The following SLC22A3 variants were observed in gnomAD, a reference collection of about 807,000 sequenced individuals.
The protein encoded by SLC22A3 is solute carrier family 22 member 3, also known as EMT organic cation transporter 3.
Under a neutral mutation model 59.1 loss-of-function variants are expected in SLC22A3, and 51 were observed. The observed-to-expected ratio is 0.86, with a 90% CI of 0.69 to 1.09. The LOEUF (loss-of-function observed/expected upper bound fraction) is 1.09, where lower values mean the gene tolerates loss of function less well. SLC22A3 is among the 50% of genes least tolerant of loss of function. The pLI, the probability that SLC22A3 is intolerant of heterozygous loss-of-function variation, is 0.00. For missense variants in SLC22A3, 711 were observed against 726.3 expected (o/e 0.98, Z 0.24); for synonymous variants, 325 against 292.0 (o/e 1.11, Z -1.15).
chr6:160,449,703 C>T (rs972144183), intron 10 of SLC22A3, among the ~76,000 whole-genome samples: 3 of 152,184 alleles, frequency 2.0e-5, no homozygotes, highest in South Asian at 2.1e-4. Context: ...ATCAGAGGAA[C>T]CAGCCCCCAA....
At chr6:160,367,838 G>A (rs775673576) in intron 1 of SLC22A3, among the ~76,000 whole-genome samples, 2 of 152,138 alleles carry the variant, frequency 1.3e-5, no homozygotes, top group Non-Finnish European at 2.9e-5. Flanking sequence ...CCAGCCTCAT[G>A]CCATTCAGCT....
In SLC22A3 at chr6:160,447,708, C is replaced by A; in HGVS notation, c.1511-11C>A. 1 of 1,612,424 alleles carries A rather than the reference C, an allele frequency of 6.2e-7. No individual in the cohort carries two copies. The highest frequency in any genetic ancestry group is 1.1e-5 in the South Asian group (1 of 91,026). On this transcript the variant is annotated splice_polypyrimidine_tract_variant and intron_variant, in intron 9 of 10. Coordinates refer to ENST00000275300, the MANE Select transcript of SLC22A3 (RefSeq NM_021977.4). ...TTCCTGGAGCGGTAACACCTTTCCCCTATTCCATAGGTATCCTGGCATCCA... is the reference window on the plus strand; with the variant it reads ...TTCCTGGAGCGGTAACACCTTTCCCATATTCCATAGGTATCCTGGCATCCA...
intron 5 of SLC22A3, among the ~76,000 whole-genome samples, chr6:160,417,646 C>T (rs1042422389): frequency 2.6e-5 from 4 of 152,222 alleles, no homozygotes; most frequent in Non-Finnish European, 4.4e-5. Context: ...AAATGTTGGG[C>T]ATGGCAATGA....
intron 5 of SLC22A3, among the ~76,000 whole-genome samples, chr6:160,412,874 A>T (rs562829991): frequency 1.3e-5 from 2 of 152,296 alleles, no homozygotes; most frequent in African/African-American, 4.8e-5. Flanking sequence ...TTAGGAATAT[A>T]GAATATAGAA....
At chr6:160,369,133 T>C (rs1013140984) in intron 1 of SLC22A3, among the ~76,000 whole-genome samples, 1 of 152,234 alleles carries the variant, frequency 6.6e-6, no homozygotes, top group African/African-American at 2.4e-5. Flanking sequence ...TTTCAGGGGA[T>C]TTTCATATCA....
At position 160,404,365 on chromosome 6, in the gene SLC22A3, C is replaced by T. The variant is rs548244654; in HGVS notation, c.534-2676C>T. 2.0e-5 allele frequency among the ~76,000 whole-genome samples: 3 copies of T among 152,112 alleles called. No individual in the cohort carries two copies. In the South Asian group the frequency reaches 6.2e-4, roughly 32 times the overall value. On this transcript the variant is annotated intron_variant, in intron 2 of 10. Coordinates refer to ENST00000275300, the MANE Select transcript of SLC22A3 (RefSeq NM_021977.4). Reference sequence around the variant, plus strand: ...ATTAGCACCACAAGAATACACAACACTTAGATATAAATCTAACAACATATG... The same window carrying T: ...ATTAGCACCACAAGAATACACAACATTTAGATATAAATCTAACAACATATG...
At chr6:160,378,182 T>G (rs1045413111) in intron 1 of SLC22A3, among the ~76,000 whole-genome samples, 3 of 152,228 alleles carry the variant, frequency 2.0e-5, no homozygotes, top group African/African-American at 4.8e-5. Context: ...AATATGGTAG[T>G]AGAATTAGAA....
At position 160,415,295 on chromosome 6, in the gene SLC22A3, G is replaced by A. The variant is rs1256817252; in HGVS notation, c.975+4449G>A. On this transcript the variant is annotated intron_variant, in intron 5 of 10. Transcript: ENST00000275300. The surrounding 1 kb of genome is among the most constrained non-coding windows in gnomAD (Gnocchi z 4.1). ...CATCCTGAGCAGAAAACCTCTTCGT[G>A]ATGACGCAGAAGGACTGGCCAGCAG... Among the ~76,000 whole-genome samples, 1 of 152,230 alleles carries A rather than the reference G, an allele frequency of 6.6e-6. No individual in the cohort carries two copies. The highest frequency in any genetic ancestry group is 1.5e-5 in the Non-Finnish European group (1 of 68,038).
At chr6:160,417,743 G>A (rs963349254) in intron 5 of SLC22A3, among the ~76,000 whole-genome samples, 1 of 149,052 alleles carries the variant, frequency 6.7e-6, no homozygotes, top group Non-Finnish European at 1.5e-5. Flanking sequence ...GCCAATGGCA[G>A]GTTGCTAGAT....
At chr6:160,422,980 C>G (rs972892236) in intron 5 of SLC22A3, among the ~76,000 whole-genome samples, 4 of 152,090 alleles carry the variant, frequency 2.6e-5, no homozygotes, top group Non-Finnish European at 4.4e-5. Flanking sequence ...TTCCCTGCCC[C>G]CTTCCCCCAC....
intron 1 of SLC22A3, among the ~76,000 whole-genome samples, chr6:160,391,310 A>G (rs1196372351): frequency 6.6e-6 from 1 of 152,164 alleles, no homozygotes; most frequent in Admixed American, 6.5e-5. Context: ...ATTGGACTGG[A>G]GTTGGGCTCA....
In SLC22A3 at chr6:160,365,373, A is replaced by G. The variant is rs558289104; in HGVS notation, c.429+16525A>G. 5.9e-5 allele frequency among the ~76,000 whole-genome samples: 9 copies of G among 152,218 alleles called. No homozygotes were observed. The East Asian group carries it at 1.7e-3, about 29-fold the overall frequency. On this transcript the variant is annotated intron_variant, in intron 1 of 10. Transcript: ENST00000275300. ...CTAAACCAATGTCCTGTCCCAATCC[A>G]CCTGACTTGAGGGCTGTTAGATTTT...
intron 5 of SLC22A3, 118 bp downstream of exon 5, chr6:160,410,964 A>G (rs1198896916): frequency 1.8e-5 from 10 of 549,870 alleles, no homozygotes; most frequent in African/African-American, 1.5e-4. Flanking sequence ...TATTATATAT[A>G]TATATGTATG....
chr6:160,349,153 C>A, intron 1 of SLC22A3: 2 of 823,606 alleles, frequency 2.4e-6, no homozygotes, highest in Non-Finnish European at 2.9e-6. Flanking sequence ...GCTCAGGAGT[C>A]AAAGACCCAG....
intron 5 of SLC22A3, among the ~76,000 whole-genome samples, chr6:160,428,967 C>T (rs780759643): frequency 6.6e-6 from 1 of 152,190 alleles, no homozygotes; most frequent in Non-Finnish European, 1.5e-5. Context: ...GACATGCTTA[C>T]TCCTGGCTAT....
chr6:160,447,581 T>C (rs1200270131), intron 9 of SLC22A3, 138 bp from the exon 10 acceptor site: 2 of 745,696 alleles, frequency 2.7e-6, no homozygotes, highest in Admixed American at 1.9e-5. Flanking sequence ...AGCTGGGGCA[T>C]TGATCTGGGA....
chr6:160,391,104 T>G (rs1786237288), intron 1 of SLC22A3, among the ~76,000 whole-genome samples: 1 of 152,210 alleles, frequency 6.6e-6, no homozygotes, highest in South Asian at 2.1e-4. Flanking sequence ...ACAGCATGAT[T>G]TCATCTTAAC....
In SLC22A3 at chr6:160,451,792, T is replaced by C. The variant is rs1338140190; in HGVS notation, c.*736T>C. 6.6e-6 allele frequency: 1 copy of C among 152,236 alleles called. No homozygotes were observed. Among genetic ancestry groups the C allele is most frequent in the African/African-American group, 2.4e-5 (1 of 41,444 alleles). The allele number at this position is 152,236 out of a possible 1,614,324, so 9.4% of individuals were successfully genotyped here. A position where few individuals can be genotyped will look rare whatever the true frequency, so the allele number is the denominator to read the frequency against. ...AATGATGCTGTGGTTCTGAGATTAT[T>C]TGGGACATTTTTGGCTCTCCTTTAG... is the stretch of plus-strand genomic sequence containing the variant. On this transcript the variant is annotated 3_prime_UTR_variant, in exon 11 of 11. Transcript: ENST00000275300.
At chr6:160,369,002 G>A (rs886979963) in intron 1 of SLC22A3, among the ~76,000 whole-genome samples, 3 of 152,128 alleles carry the variant, frequency 2.0e-5, no homozygotes, top group African/African-American at 7.2e-5. Flanking sequence ...TCTGAAATCT[G>A]GAGCTGGTCT....
Sources: allele counts gnomAD v4.1 joint callset (sites outside exome capture counted in the v4.1 genomes callset), GRCh38; gene constraint gnomAD v4.1.1; non-coding constraint Gnocchi (gnomAD v3.1); transcripts MANE v1.5; gene names NCBI Gene and HGNC (gene_info 2026-07-23, HGNC 2026-07-21).